Variants in AEBP2 observed in about 807,000 individuals in gnomAD.
The protein encoded by AEBP2 is AE binding protein 2, also known as zinc finger protein AEBP2.
Under a neutral mutation model 50.8 loss-of-function variants are expected in AEBP2, and 10 were observed. That is an observed-to-expected ratio of 0.20 (90% CI 0.12 to 0.33). The LOEUF is 0.33. Ranked by LOEUF, AEBP2 falls within the 10% of genes least tolerant of loss-of-function variation. The pLI is 1.00. For synonymous variants in AEBP2, 296 were observed against 261.3 expected (o/e 1.13, Z -1.28); for missense variants, 570 against 688.0 (o/e 0.83, Z 1.92).
chr12:19,501,081 A>G (rs189114896), intron 5 of AEBP2, among the ~76,000 whole-genome samples: 3 of 152,118 alleles, frequency 2.0e-5, no homozygotes, highest in African/African-American at 7.2e-5. Context: ...TGTAATCCCA[A>G]AATTTTGGGA....
intron 1 of AEBP2, among the ~76,000 whole-genome samples, chr12:19,446,241 AT>A (rs1948063334): frequency 6.6e-6 from 1 of 152,220 alleles, no homozygotes; most frequent in South Asian, 2.1e-4. Flanking sequence ...ATCTCCTCAG[AT>A]ACTTTGTTTT....
At chr12:19,473,661 C>T (rs778904901) in intron 3 of AEBP2, among the ~76,000 whole-genome samples, 9 of 152,162 alleles carry the variant, frequency 5.9e-5, no homozygotes, top group Non-Finnish European at 1.2e-4. Context: ...CCGCCTTGGC[C>T]ACCCAAAGTG....
intron 6 of AEBP2, among the ~76,000 whole-genome samples, chr12:19,513,440 T>A (rs1368846715): frequency 6.6e-6 from 1 of 152,156 alleles, no homozygotes; most frequent in Non-Finnish European, 1.5e-5. Context: ...TGAAGGAGAT[T>A]TCATTATGTG....
chr12:19,506,975 T>G (rs1265710436), intron 5 of AEBP2, among the ~76,000 whole-genome samples: 1 of 152,108 alleles, frequency 6.6e-6, no homozygotes, highest in Non-Finnish European at 1.5e-5. Flanking sequence ...TCAAGAGATC[T>G]AATTTGGACA....
At chr12:19,502,747 C>G (rs1949101713) in intron 5 of AEBP2, among the ~76,000 whole-genome samples, 2 of 151,680 alleles carry the variant, frequency 1.3e-5, no homozygotes, top group African/African-American at 4.8e-5. Context: ...CTCCTGGGTT[C>G]AAGCGATTCT....
intron 1 of AEBP2, among the ~76,000 whole-genome samples, chr12:19,415,588 A>T (rs977380315): frequency 6.6e-6 from 1 of 151,262 alleles, no homozygotes; most frequent in East Asian, 1.9e-4. Flanking sequence ...AAAATGAAGG[A>T]TACTCAATAT....
intron 1 of AEBP2, chr12:19,413,492 G>C: frequency 1.1e-6 from 1 of 903,492 alleles, no homozygotes; most frequent in South Asian, 1.3e-5. Flanking sequence ...GAACTTAACA[G>C]AACAATTCTA....
At chr12:19,500,351 C>G in intron 5 of AEBP2, 130 bp downstream of exon 5, 1 of 972,882 alleles carries the variant, frequency 1.0e-6, no homozygotes. Context: ...TTTGTTTTAT[C>G]AGTATTTAAA....
intron 7 of AEBP2, among the ~76,000 whole-genome samples, chr12:19,516,221 C>T (rs976472990): frequency 1.3e-5 from 2 of 152,094 alleles, no homozygotes; most frequent in African/African-American, 2.4e-5. Flanking sequence ...GGGAAGGTTA[C>T]GAGTTACTTC....
intron 1 of AEBP2, among the ~76,000 whole-genome samples, chr12:19,444,814 A>G (rs1427402810): frequency 1.3e-5 from 2 of 152,200 alleles, no homozygotes; most frequent in Non-Finnish European, 2.9e-5. Context: ...GTAAGTACCT[A>G]ACATAATATC....
chr12:19,419,854 C>T (rs1343170210), intron 1 of AEBP2, among the ~76,000 whole-genome samples: 2 of 151,296 alleles, frequency 1.3e-5, no homozygotes, highest in Non-Finnish European at 2.9e-5. Flanking sequence ...CATTTGAACC[C>T]GGGAGGTGGA....
intron 4 of AEBP2, among the ~76,000 whole-genome samples, chr12:19,497,684 C>T (rs11044621): frequency 0.021 from 3,217 of 152,072 alleles, 40 homozygotes; most frequent in East Asian, 0.043. Context: ...TGTTGGCCAC[C>T]AAGTCTCAAA....
At chr12:19,510,193 T>C in intron 5 of AEBP2, among the ~76,000 whole-genome samples, 1 of 152,174 alleles carries the variant, frequency 6.6e-6, no homozygotes, top group East Asian at 1.9e-4. Flanking sequence ...GGTTAGTACC[T>C]AAGGTAGAGA....
rs780082277 is a variant in AEBP2 at position 19,440,397 on chromosome 12, C to T, written c.671+27C>T. ...TCAGTGCTCTGAAGCGTTTCCCCTT[C>T]CCTTCCTCCTCTTGAACTCCCGGGC... On this transcript the variant is annotated intron_variant, in intron 1 of 7. Coordinates refer to ENST00000266508, the MANE Select transcript of AEBP2 (RefSeq NM_153207.5). The T allele has an allele frequency of 6.8e-6, 10 of 1,465,550 alleles. No homozygotes were observed. In the East Asian group the frequency reaches 9.4e-5, roughly 14 times the overall value. The allele number at this position is 1,465,550 out of a possible 1,614,324, so 90.8% of individuals were successfully genotyped here.
chr12:19,520,063 A>G lies in AEBP2; in HGVS notation c.*1946A>G, dbSNP rs2120657549. On this transcript the variant is annotated 3_prime_UTR_variant, in exon 8 of 8. Coordinates refer to ENST00000266508, the MANE Select transcript of AEBP2 (RefSeq NM_153207.5). ...CTGCAATCTCTTTTGTTCTTTTTAA[A>G]ATTTGATTTGTTATAAAATTGCCAA... 1 of 152,600 alleles carries G rather than the reference A, an allele frequency of 6.6e-6. No individual in the cohort carries two copies. Among genetic ancestry groups the G allele is most frequent in the South Asian group, 2.1e-4 (1 of 4,814 alleles). 9.5% of individuals were successfully genotyped at this position (152,600 alleles called of 1,614,324 possible). A position where few individuals can be genotyped will look rare whatever the true frequency, so the allele number is the denominator to read the frequency against.
At chr12:19,424,352 A>C (rs905654442) in intron 1 of AEBP2, among the ~76,000 whole-genome samples, 5 of 152,150 alleles carry the variant, frequency 3.3e-5, no homozygotes, top group African/African-American at 1.2e-4. Context: ...AGATGATGGG[A>C]TCAAGATGCA....
At position 19,473,412 on chromosome 12, in the gene AEBP2, T is replaced by A. The variant is rs1266547665; in HGVS notation, c.987+57T>A. On this transcript the variant is annotated intron_variant, in intron 3 of 7. Transcript: ENST00000266508. The stretch of plus-strand genomic sequence containing the variant: ...TTATTTATTTATTTATTTATTTATT[T>A]ATTTATTTATGACAGAAGAGTCTCA... 4.5e-4 allele frequency: 320 copies of A among 711,704 alleles called. 3 individuals carry two copies. The African/African-American group carries it at 5.8e-3, about 13-fold the overall frequency. The allele number at this position is 711,704 out of a possible 1,614,324, so 44.1% of individuals were successfully genotyped here. A position where few individuals can be genotyped will look rare whatever the true frequency, so the allele number is the denominator to read the frequency against.
At chr12:19,451,433 T>C (rs367716127) in intron 1 of AEBP2, among the ~76,000 whole-genome samples, 103 of 152,266 alleles carry the variant, frequency 6.8e-4, no homozygotes, top group Non-Finnish European at 8.2e-4. Flanking sequence ...ACGGGATCTG[T>C]TCCACTTTGC....
chr12:19,476,276 C>A (rs1402847385), intron 3 of AEBP2, among the ~76,000 whole-genome samples: 1 of 152,164 alleles, frequency 6.6e-6, no homozygotes, highest in East Asian at 1.9e-4. Flanking sequence ...CATTCTTCTA[C>A]ATGTGGCTTG....
Sources: allele counts gnomAD v4.1 joint callset (sites outside exome capture counted in the v4.1 genomes callset), GRCh38; gene constraint gnomAD v4.1.1; transcripts MANE v1.5; gene names NCBI Gene and HGNC (gene_info 2026-07-23, HGNC 2026-07-21).